Variants in PTPRD observed in about 807,000 individuals in gnomAD.
The protein encoded by PTPRD is protein tyrosine phosphatase receptor type D.
Under a neutral mutation model 214.5 loss-of-function variants are expected in PTPRD, and 34 were observed. The ratio of observed to expected loss-of-function variants is 0.16; its 90% CI spans 0.12 to 0.21. The LOEUF (loss-of-function observed/expected upper bound fraction) is 0.21, where lower values mean the gene tolerates loss of function less well. Ranked by LOEUF, PTPRD falls within the 10% of genes least tolerant of loss-of-function variation. The pLI is 1.00. For synonymous variants in PTPRD, 1,128 were observed against 845.7 expected (o/e 1.33, Z -5.79); for missense variants, 2,545 against 2,398.7 (o/e 1.06, Z -1.27).
At chr9:8,436,229 C>T (rs1486721967) in intron 35 of PTPRD, among the ~76,000 whole-genome samples, 2 of 152,078 alleles carry the variant, frequency 1.3e-5, no homozygotes, top group African/African-American at 4.8e-5. Flanking sequence ...TCAGTTTTAG[C>T]TAGATGGCAG....
intron 2 of PTPRD, among the ~76,000 whole-genome samples, chr9:10,508,959 T>C (rs963960867): frequency 1.3e-5 from 2 of 151,828 alleles, no homozygotes; most frequent in African/African-American, 4.8e-5. Context: ...AATAAAATAA[T>C]AGTAAAAATA....
At chr9:8,922,453 T>C (rs192468735) in intron 11 of PTPRD, among the ~76,000 whole-genome samples, 2 of 152,334 alleles carry the variant, frequency 1.3e-5, no homozygotes, top group East Asian at 3.9e-4. Flanking sequence ...AATATGAGAA[T>C]ACAAAGGTCA....
chr9:8,361,593 T>A (rs2078499066), intron 39 of PTPRD, among the ~76,000 whole-genome samples: 1 of 152,196 alleles, frequency 6.6e-6, no homozygotes, highest in South Asian at 2.1e-4. Context: ...ATTGAATATT[T>A]ACCTGAGATA....
intron 3 of PTPRD, among the ~76,000 whole-genome samples, chr9:10,150,527 G>C (rs929980939): frequency 6.6e-6 from 1 of 151,984 alleles, no homozygotes; most frequent in African/African-American, 2.4e-5. Context: ...AGGAGGAGGG[G>C]GGAGGGATAG....
chr9:8,767,040 T>C (rs576519067), intron 11 of PTPRD, among the ~76,000 whole-genome samples: 4 of 152,198 alleles, frequency 2.6e-5, no homozygotes, highest in African/African-American at 7.2e-5. Flanking sequence ...AAAAGAGAAA[T>C]AGATAATGCC....
At chr9:9,717,594 T>A (rs1332004686) in intron 7 of PTPRD, among the ~76,000 whole-genome samples, 1 of 152,196 alleles carries the variant, frequency 6.6e-6, no homozygotes, top group Non-Finnish European at 1.5e-5. Flanking sequence ...ACAGCAGACA[T>A]GGAAGGAATG....
At chr9:9,352,087 A>T (rs1011331453) in intron 9 of PTPRD, among the ~76,000 whole-genome samples, 1 of 151,838 alleles carries the variant, frequency 6.6e-6, no homozygotes, top group Non-Finnish European at 1.5e-5. Flanking sequence ...GGATTACAGG[A>T]ATCCCAGCCT....
At chr9:8,321,760 C>G (rs192232330) in intron 44 of PTPRD, among the ~76,000 whole-genome samples, 1 of 151,528 alleles carries the variant, frequency 6.6e-6, no homozygotes, top group African/African-American at 2.4e-5. Context: ...AAAGAAATAT[C>G]CAGGTAATTC....
Position 8,350,137 on chromosome 9 carries a change from C to T in PTPRD, c.4662-8159G>A, listed in dbSNP as rs185100036. On this transcript the variant is annotated intron_variant, in intron 39 of 45. Transcript: ENST00000381196. The stretch of plus-strand genomic sequence containing the variant: ...ACGAGTTGAAACGGGCTTAATGTCC[C>T]GTGATGTGATACAGTAGTAATGTGC... Among the ~76,000 whole-genome samples, 168 of 151,976 alleles carry T rather than the reference C, an allele frequency of 1.1e-3. 4 individuals carry two copies. The highest frequency in any genetic ancestry group is 3.4e-3 in the Middle Eastern group (1 of 294).
intron 10 of PTPRD, among the ~76,000 whole-genome samples, chr9:9,041,190 T>C (rs1399545588): frequency 2.6e-5 from 4 of 152,178 alleles, no homozygotes; most frequent in Non-Finnish European, 4.4e-5. Flanking sequence ...AATATAACTC[T>C]CATTCATAAA....
chr9:9,875,961 C>T (rs1196753365), intron 5 of PTPRD, among the ~76,000 whole-genome samples: 8 of 152,058 alleles, frequency 5.3e-5, no homozygotes, highest in African/African-American at 1.9e-4. Flanking sequence ...ATGACTACTG[C>T]AGGATCATCT....
intron 2 of PTPRD, among the ~76,000 whole-genome samples, chr9:10,353,573 T>A (rs181257336): frequency 5.4e-4 from 82 of 151,974 alleles, no homozygotes; most frequent in Admixed American, 4.8e-3. Context: ...GAGTAAAAAT[T>A]TTCAGCAGAA....
At position 9,233,817 on chromosome 9, in the gene PTPRD, C is replaced by T. The variant is rs114575886; in HGVS notation, c.-202-50454G>A. ...ACATCCAGTTCATGCTGATGCATGA[C>T]GTGGGCTCCCACGGCCTTGTGTAGT... On this transcript the variant is annotated intron_variant, in intron 9 of 45. Coordinates refer to ENST00000381196, the MANE Select transcript of PTPRD (RefSeq NM_002839.4). Among the ~76,000 whole-genome samples the T allele has an allele frequency of 3.9e-3, 598 of 152,328 alleles. 4 individuals carry two copies. Among genetic ancestry groups the T allele is most frequent in the African/African-American group, 0.014 (569 of 41,574 alleles).
intron 12 of PTPRD, among the ~76,000 whole-genome samples, chr9:8,676,277 A>G (rs1177332166): frequency 1.3e-5 from 2 of 151,894 alleles, no homozygotes; most frequent in African/African-American, 4.8e-5. Context: ...TTCCCTTCTT[A>G]CAACTCCCTA....
At chr9:9,826,833 A>C (rs1240258806) in intron 5 of PTPRD, among the ~76,000 whole-genome samples, 1 of 152,170 alleles carries the variant, frequency 6.6e-6, no homozygotes, top group Non-Finnish European at 1.5e-5. Context: ...ATCAATGTGC[A>C]AAAATTGCAA....
At chr9:9,017,688 G>A (rs391450) in intron 11 of PTPRD, among the ~76,000 whole-genome samples, 149,034 of 152,266 alleles carry the variant, frequency 0.98, 73,035 homozygotes, top group Middle Eastern at 1. Flanking sequence ...ATAAAACAAG[G>A]TTCTCAGAAA....
chr9:10,324,550 T>G lies in PTPRD; in HGVS notation c.-545+16413A>C, dbSNP rs148046274. On this transcript the variant is annotated intron_variant, in intron 3 of 45. Transcript: ENST00000381196. Reference sequence around the variant, plus strand: ...TTGCCTGAGACATCTGTCTCTCCACTGATTCCAGAGTTGATTGAGCTGATC... The same window carrying G: ...TTGCCTGAGACATCTGTCTCTCCACGGATTCCAGAGTTGATTGAGCTGATC... Among the ~76,000 whole-genome samples, 201 of 152,140 alleles carry G rather than the reference T, an allele frequency of 1.3e-3. 1 individual carries two copies. Among genetic ancestry groups the G allele is most frequent in the African/African-American group, 4.5e-3 (189 of 41,546 alleles).
At chr9:9,080,235 A>G (rs865797992) in intron 10 of PTPRD, among the ~76,000 whole-genome samples, 3 of 152,202 alleles carry the variant, frequency 2.0e-5, no homozygotes, top group Admixed American at 2.0e-4. Flanking sequence ...ACATGGTGTA[A>G]GAGATGACCA....
At chr9:9,209,033 C>T (rs775321053) in intron 9 of PTPRD, among the ~76,000 whole-genome samples, 1 of 152,038 alleles carries the variant, frequency 6.6e-6, no homozygotes, top group South Asian at 2.1e-4. Context: ...TGGTCTCGAT[C>T]TCCTGACCTC....
Sources: gnomAD v4.1 joint callset for allele counts (sites outside exome capture counted in the v4.1 genomes callset) on GRCh38, gnomAD v4.1.1 for gene constraint, MANE v1.5 for transcripts, NCBI Gene and HGNC (gene_info 2026-07-23, HGNC 2026-07-21) for gene names.